The following ADGRL3 variants were observed in gnomAD, a reference collection of about 807,000 sequenced individuals.
ADGRL3 encodes the protein calcium-independent alpha-latrotoxin receptor 3.
ADGRL3 carries 62 observed loss-of-function variants against 153.5 expected under a neutral mutation model. That is an observed-to-expected ratio of 0.40 (90% CI 0.33 to 0.50). The LOEUF (loss-of-function observed/expected upper bound fraction) is 0.50. Ranked by LOEUF, ADGRL3 falls within the 20% of genes least tolerant of loss-of-function variation. The pLI is 0.47. For synonymous variants in ADGRL3, 710 were observed against 672.5 expected, an observed-to-expected ratio of 1.06 and a Z score of -0.86; for missense variants, 1,641 against 1,859.4, an observed-to-expected ratio of 0.88 and a Z score of 2.16.
chr4:61,217,717 A>T (rs1743492064), intron 1 of ADGRL3, among the ~76,000 whole-genome samples: 1 of 152,136 alleles, frequency 6.6e-6, no homozygotes, highest in South Asian at 2.1e-4. Context: ...AGCTTTGGAG[A>T]TATGTATCTG....
chr4:61,318,941 G>C (rs115167056), intron 1 of ADGRL3, among the ~76,000 whole-genome samples: 221 of 152,114 alleles, frequency 1.5e-3, no homozygotes, highest in African/African-American at 4.9e-3. Context: ...CAGATATTTG[G>C]CAAGTTCTAT....
chr4:62,004,822 A>G (rs1340167238), intron 21 of ADGRL3, among the ~76,000 whole-genome samples: 2 of 152,134 alleles, frequency 1.3e-5, no homozygotes, highest in East Asian at 3.8e-4. Flanking sequence ...TATTTTATTC[A>G]TTGTAATAAG....
At chr4:61,363,008 T>A (rs1332861026) in intron 1 of ADGRL3, among the ~76,000 whole-genome samples, 1 of 152,194 alleles carries the variant, frequency 6.6e-6, no homozygotes, top group East Asian at 1.9e-4. Context: ...TTGACACCAA[T>A]GTCTCCTGAA....
In ADGRL3 at chr4:61,520,748, A is replaced by G. The variant is rs192798369; in HGVS notation, c.259+3230A>G. On this transcript the variant is annotated intron_variant, in intron 4 of 26. Transcript: ENST00000683033. ...AGGAATAGTGTTTTAAGAATGTGTC[A>G]TAGTATGGAATTCTAAGGACCCTTG... Among the ~76,000 whole-genome samples the G allele has an allele frequency of 4.4e-3, 661 of 150,358 alleles. 4 individuals carry two copies. Among genetic ancestry groups the G allele is most frequent in the Admixed American group, 7.6e-3 (114 of 15,002 alleles).
chr4:61,432,349 A>G (rs945216797), intron 2 of ADGRL3, among the ~76,000 whole-genome samples: 1 of 152,194 alleles, frequency 6.6e-6, no homozygotes, highest in African/African-American at 2.4e-5. Context: ...CAGTTAGATT[A>G]CATATAAAGC....
chr4:61,744,054 G>T (rs988749898), intron 8 of ADGRL3, among the ~76,000 whole-genome samples: 1 of 152,174 alleles, frequency 6.6e-6, no homozygotes, highest in African/African-American at 2.4e-5. Flanking sequence ...CACACCAGGA[G>T]ATTATATCCC....
chr4:61,860,425 C>T (rs947628350), intron 9 of ADGRL3, among the ~76,000 whole-genome samples: 2 of 151,916 alleles, frequency 1.3e-5, no homozygotes, highest in Admixed American at 6.6e-5. Context: ...GAATTATTTG[C>T]GTTACTGATC....
chr4:61,799,349 C>G (rs1223890433), intron 8 of ADGRL3, among the ~76,000 whole-genome samples: 2 of 152,086 alleles, frequency 1.3e-5, no homozygotes, highest in Non-Finnish European at 2.9e-5. Flanking sequence ...GTTTTGCAGG[C>G]TACATGTGAT....
At chr4:61,853,960 T>G (rs558302521) in intron 9 of ADGRL3, among the ~76,000 whole-genome samples, 2 of 152,326 alleles carry the variant, frequency 1.3e-5, no homozygotes, top group African/African-American at 4.8e-5. Flanking sequence ...CATATCTATC[T>G]TTTCTGGTAA....
intron 5 of ADGRL3, among the ~76,000 whole-genome samples, chr4:61,628,118 A>G (rs2092943016): frequency 6.6e-6 from 1 of 152,194 alleles, no homozygotes; most frequent in South Asian, 2.1e-4. Context: ...GGTTATGTGC[A>G]AGGCTTGCTA....
At chr4:62,023,392 A>G (rs903160916) in intron 21 of ADGRL3, among the ~76,000 whole-genome samples, 6 of 152,178 alleles carry the variant, frequency 3.9e-5, no homozygotes, top group Non-Finnish European at 8.8e-5. Flanking sequence ...TTGAAATGAC[A>G]ACAAAGGATT....
At chr4:61,415,259 A>G (rs968889128) in intron 2 of ADGRL3, among the ~76,000 whole-genome samples, 1 of 151,994 alleles carries the variant, frequency 6.6e-6, no homozygotes, top group Non-Finnish European at 1.5e-5. Flanking sequence ...ACATATACCA[A>G]TACATTCATG....
chr4:61,304,751 T>C (rs901783602), intron 1 of ADGRL3, among the ~76,000 whole-genome samples: 4 of 152,230 alleles, frequency 2.6e-5, no homozygotes, highest in African/African-American at 9.6e-5. Context: ...GGTAAAACTT[T>C]TCTTGGGTGT....
intron 5 of ADGRL3, among the ~76,000 whole-genome samples, chr4:61,605,153 C>T (rs1409007841): frequency 7.9e-6 from 1 of 126,312 alleles, no homozygotes; most frequent in Non-Finnish European, 1.7e-5. Context: ...ATTATGATCA[C>T]AAAATCTACA....
chr4:62,056,256 C>T (rs2151813309), intron 25 of ADGRL3, among the ~76,000 whole-genome samples: 1 of 151,658 alleles, frequency 6.6e-6, no homozygotes, highest in South Asian at 2.1e-4. Context: ...ATCTTAAGGT[C>T]AATTAGGTGA....
chr4:61,389,759 A>G (rs1402895095), intron 2 of ADGRL3, among the ~76,000 whole-genome samples: 2 of 152,148 alleles, frequency 1.3e-5, no homozygotes, highest in Admixed American at 6.5e-5. Context: ...TCTCTTGGAG[A>G]TATCGTGGCT....
At chr4:61,932,400 T>G (rs1191500908) in intron 13 of ADGRL3, among the ~76,000 whole-genome samples, 1 of 152,146 alleles carries the variant, frequency 6.6e-6, no homozygotes, top group East Asian at 1.9e-4. Flanking sequence ...GGTGCTGACT[T>G]TTGTCAAACA....
intron 1 of ADGRL3, among the ~76,000 whole-genome samples, chr4:61,332,415 T>G (rs2095590930): frequency 6.6e-6 from 1 of 152,128 alleles, no homozygotes; most frequent in South Asian, 2.1e-4. Context: ...GCCTAAAATG[T>G]TTTAGCACAT....
chr4:61,442,147 C>G (rs1384336711), intron 2 of ADGRL3, among the ~76,000 whole-genome samples: 1 of 152,114 alleles, frequency 6.6e-6, no homozygotes, highest in East Asian at 1.9e-4. Flanking sequence ...TTGATGATAA[C>G]TGTAATGTTA....
Sources: allele counts gnomAD v4.1 joint callset (sites outside exome capture counted in the v4.1 genomes callset), GRCh38; gene constraint gnomAD v4.1.1; transcripts MANE v1.5; gene names NCBI Gene and HGNC (gene_info 2026-07-23, HGNC 2026-07-21).